Variants in ZFAT observed in about 807,000 individuals in gnomAD.
The protein encoded by ZFAT is zinc finger and AT-hook domain containing.
Under a neutral mutation model 117.7 loss-of-function variants are expected in ZFAT, and 64 were observed. That is an observed-to-expected ratio of 0.54 (90% CI 0.44 to 0.67). The LOEUF (loss-of-function observed/expected upper bound fraction) is 0.67, where lower values mean the gene tolerates loss of function less well. Among genes scored for constraint, ZFAT ranks in the 30% least tolerant of loss-of-function variants. The pLI, the probability that ZFAT is intolerant of heterozygous loss-of-function variation, is 0.00. For synonymous variants in ZFAT, 679 were observed against 615.0 expected, an observed-to-expected ratio of 1.10 and a Z score of -1.54; for missense variants, 1,433 against 1,584.5, an observed-to-expected ratio of 0.90 and a Z score of 1.62.
chr8:134,657,255 T>G (rs1586904175), intron 2 of ZFAT, among the ~76,000 whole-genome samples: 1 of 152,188 alleles, frequency 6.6e-6, no homozygotes, highest in East Asian at 1.9e-4. Context: ...TGGCTTCAGG[T>G]AATGCAGCCA....
chr8:134,816,906 G>A, the ZFAT span, among the ~76,000 whole-genome samples: 1 of 151,574 alleles, frequency 6.6e-6, no homozygotes, highest in African/African-American at 2.4e-5. Context: ...GCTTGAACCC[G>A]GGAGGCGGAG....
At chr8:134,562,608 T>C (rs1824132442) in intron 11 of ZFAT, among the ~76,000 whole-genome samples, 1 of 152,162 alleles carries the variant, frequency 6.6e-6, no homozygotes, top group Admixed American at 6.5e-5. Context: ...TGAATCTCAT[T>C]CCCATCTATA....
rs896754669 is a variant in ZFAT at position 134,521,102 on chromosome 8, ATTT to A, written c.3116-104_3116-102del. ...AAATGCTTCAAATCTAGTAAGTATTATTTTGTCTCCAGCACTTGTATTCAATTC... is the reference window on the plus strand; with the variant it reads ...AAATGCTTCAAATCTAGTAAGTATTATGTCTCCAGCACTTGTATTCAATTC... On this transcript the variant is annotated intron_variant, in intron 12 of 15. Coordinates refer to ENST00000377838, the MANE Select transcript of ZFAT (RefSeq NM_020863.4). 37 of 809,066 alleles carry A rather than the reference ATTT, an allele frequency of 4.6e-5. No individual in the cohort carries two copies. In the African/African-American group the frequency reaches 6.0e-4, roughly 13 times the overall value. The allele number at this position is 809,066 out of a possible 1,614,324, so 50.1% of individuals were successfully genotyped here.
At chr8:134,617,675 G>C (rs1828840749) in intron 3 of ZFAT, among the ~76,000 whole-genome samples, 1 of 152,184 alleles carries the variant, frequency 6.6e-6, no homozygotes, top group Non-Finnish European at 1.5e-5. Flanking sequence ...TCTGGGAACA[G>C]AGACTTCACC....
the ZFAT span, among the ~76,000 whole-genome samples, chr8:134,807,827 CAG>C: frequency 1.9e-3 from 293 of 151,712 alleles, 3 homozygotes; most frequent in African/African-American, 6.7e-3. Context: ...ATAAATAGAG[CAG>C]AGACAAAAAG....
intron 11 of ZFAT, among the ~76,000 whole-genome samples, chr8:134,563,382 T>C (rs925426180): frequency 6.6e-6 from 1 of 152,212 alleles, no homozygotes; most frequent in Non-Finnish European, 1.5e-5. Flanking sequence ...ATGAAGTCCA[T>C]GTTTTAGCTT....
intron 5 of ZFAT, 109 bp from the exon 6 acceptor site, chr8:134,603,042 G>A: frequency 6.9e-7 from 1 of 1,444,796 alleles, no homozygotes; most frequent in Non-Finnish European, 9.3e-7. Flanking sequence ...GAACAAAACT[G>A]GACAGACGCT....
intron 1 of ZFAT, among the ~76,000 whole-genome samples, chr8:134,690,773 T>G (rs1156320534): frequency 6.6e-6 from 1 of 152,226 alleles, no homozygotes; most frequent in African/African-American, 2.4e-5. Context: ...ATTTAATGTA[T>G]TCTCCAAATA....
chr8:134,566,576 T>C (rs1260782862), intron 10 of ZFAT, among the ~76,000 whole-genome samples: 2 of 152,194 alleles, frequency 1.3e-5, no homozygotes, highest in African/African-American at 4.8e-5. Context: ...CTACTTCGTA[T>C]AGCAGTAAAG....
rs1021045293 is a variant in ZFAT, at chr8:134,700,834, T to C, written c.19+12011A>G. Among the ~76,000 whole-genome samples, 4 of 152,124 alleles carry C rather than the reference T, an allele frequency of 2.6e-5. No individual in the cohort carries two copies. The East Asian group carries it at 7.7e-4, about 29-fold the overall frequency. Reference sequence around the variant, plus strand: ...TCACTGATCCCCCTACTCTACCTTGTACAAGCTTCTGGCACTGCCCAAGCG... The same window carrying C: ...TCACTGATCCCCCTACTCTACCTTGCACAAGCTTCTGGCACTGCCCAAGCG... On this transcript the variant is annotated intron_variant, in intron 1 of 15. Coordinates refer to ENST00000377838, the MANE Select transcript of ZFAT (RefSeq NM_020863.4).
Position 134,602,786 on chromosome 8 carries a change from C to T in ZFAT, c.933G>A (p.Lys311=). The change falls in exon 6 of 16, where the codon AAG becomes AAA. Residue 311 remains lysine (K), a synonymous_variant. Transcript: ENST00000377838. The part of the protein sequence containing the change: ...CPQCSYASAI[K]ANLNVHLRKH... ...TGCGCAGGTGCACATTGAGGTTGGC[C>T]TTGATGGCACTGGCATAGCTGCACT... is the stretch of plus-strand genomic sequence containing the variant. 1 of 1,614,220 alleles carries T rather than the reference C, an allele frequency of 6.2e-7. No individual in the cohort carries two copies.
chr8:134,649,354 G>C (rs988590069), intron 2 of ZFAT, among the ~76,000 whole-genome samples: 1 of 152,052 alleles, frequency 6.6e-6, no homozygotes, highest in Non-Finnish European at 1.5e-5. Flanking sequence ...ATCCAGATTA[G>C]AAAGGAAAAA....
At chr8:134,633,935 A>G (rs983715025) in intron 3 of ZFAT, among the ~76,000 whole-genome samples, 1 of 152,174 alleles carries the variant, frequency 6.6e-6, no homozygotes, top group African/African-American at 2.4e-5. Flanking sequence ...AATTGCAGCT[A>G]CTTGGGAGGC....
intron 2 of ZFAT, 54 bp downstream of exon 2, chr8:134,657,507 C>A: frequency 2.0e-6 from 3 of 1,511,184 alleles, no homozygotes; most frequent in Non-Finnish European, 2.7e-6. Flanking sequence ...CGGAGCAAAT[C>A]AACATCAACA....
intron 11 of ZFAT, among the ~76,000 whole-genome samples, chr8:134,563,149 T>C (rs1824167805): frequency 6.6e-6 from 1 of 152,214 alleles, no homozygotes; most frequent in Non-Finnish European, 1.5e-5. Context: ...TACACAAATA[T>C]GCATAACGCT....
At chr8:134,507,613 T>G (rs1819511496) in intron 15 of ZFAT, among the ~76,000 whole-genome samples, 1 of 152,236 alleles carries the variant, frequency 6.6e-6, no homozygotes, top group Admixed American at 6.5e-5. Context: ...TCGTTCTGGA[T>G]GCTTATCTGC....
chr8:134,799,470 TAAGTA>T, the ZFAT span, among the ~76,000 whole-genome samples: 2 of 152,224 alleles, frequency 1.3e-5, no homozygotes. Context: ...TTCAGTATTT[TAAGTA>T]AAGACATGAA....
At chr8:134,691,400 GA>G (rs1399471594) in intron 1 of ZFAT, among the ~76,000 whole-genome samples, 1 of 152,222 alleles carries the variant, frequency 6.6e-6, no homozygotes, top group Admixed American at 6.5e-5. Context: ...CGCCTCCACG[GA>G]CACAGTGTCT....
the ZFAT span, among the ~76,000 whole-genome samples, chr8:134,813,128 C>T: frequency 2.0e-5 from 3 of 152,220 alleles, no homozygotes; most frequent in African/African-American, 4.8e-5. Context: ...ATAGCTTATT[C>T]ACCCTTTCAC....
Sources: allele counts gnomAD v4.1 joint callset (sites outside exome capture counted in the v4.1 genomes callset), GRCh38; gene constraint gnomAD v4.1.1; transcripts MANE v1.5; gene names NCBI Gene and HGNC (gene_info 2026-07-23, HGNC 2026-07-21).